The following IQCM variants were observed in gnomAD, a reference collection of about 807,000 sequenced individuals.
The protein encoded by IQCM is IQ domain-containing protein M.
IQCM carries 45 observed loss-of-function variants against 57.6 expected under a neutral mutation model. The observed-to-expected ratio is 0.78, with a 90% CI of 0.62 to 1.00. The LOEUF (loss-of-function observed/expected upper bound fraction) is 1.00. Among genes scored for constraint, IQCM ranks in the 50% least tolerant of loss-of-function variants. The probability of loss-of-function intolerance (pLI) is 0.00; values close to 1 mark genes in which losing one functional copy is unlikely to be tolerated. For synonymous variants in IQCM, 148 were observed against 158.9 expected (o/e 0.93, Z 0.51); for missense variants, 468 against 511.6 (o/e 0.91, Z 0.82).
At chr4:149,474,770 C>T (rs1739999076) in intron 12 of IQCM, among the ~76,000 whole-genome samples, 1 of 151,614 alleles carries the variant, frequency 6.6e-6, no homozygotes, top group Admixed American at 6.6e-5. Context: ...GTAGACGTAA[C>T]TGAGAAGTAT....
At chr4:149,630,215 C>G (rs1757145006) in intron 7 of IQCM, among the ~76,000 whole-genome samples, 1 of 152,196 alleles carries the variant, frequency 6.6e-6, no homozygotes, top group African/African-American at 2.4e-5. Context: ...TGGATGGCAG[C>G]ATACTTGTCA....
chr4:149,742,678 T>C lies in IQCM; in HGVS notation c.14A>G (p.Glu5Gly). The change falls in exon 3 of 14, where the codon GAG (glutamate) becomes GGG (glycine). Residue 5 changes from glutamate (E) to glycine (G), a missense_variant. Physicochemically the swap from Glu to Gly is moderately conservative, Grantham distance 98 (BLOSUM62 -2). Coordinates refer to ENST00000636793, the MANE Select transcript of IQCM (RefSeq NM_001363507.2). ...ACATTTTGCTTTTTCAGGCATAGCC[T>C]CTTCAGTAGTCATGAGGGGCAGTTA... Reference protein sequence around the residue: MTTEEAMPEKAKCPT... With the variant: MTTEGAMPEKAKCPT... 2 of 1,231,502 alleles carry C rather than the reference T, an allele frequency of 1.6e-6. No individual in the cohort carries two copies. The highest frequency in any genetic ancestry group is 6.3e-5 in the East Asian group (2 of 31,670). 76.3% of individuals were successfully genotyped at this position (1,231,502 alleles called of 1,614,324 possible). A position where few individuals can be genotyped will look rare whatever the true frequency, so the allele number is the denominator to read the frequency against.
chr4:149,545,857 T>C (rs1160052286), intron 12 of IQCM, among the ~76,000 whole-genome samples: 1 of 152,092 alleles, frequency 6.6e-6, no homozygotes, highest in African/African-American at 2.4e-5. Flanking sequence ...CTAGGGTACA[T>C]GTGCACAACG....
At chr4:149,395,665 T>C (rs1245483635) in intron 13 of IQCM, among the ~76,000 whole-genome samples, 1 of 151,984 alleles carries the variant, frequency 6.6e-6, no homozygotes, top group African/African-American at 2.4e-5. Flanking sequence ...TCTAATGTTA[T>C]TCTAAGTAGC....
At position 149,806,891 on chromosome 4, in the gene IQCM, AC is replaced by A. The variant is rs755026543; in HGVS notation, c.-49+8419del. Reference sequence around the variant, plus strand: ...TTTGACACTGACAGTGATCGATCTTACAAAAAAATCAAGAAAACAATCCCAT... The same window carrying A: ...TTTGACACTGACAGTGATCGATCTTAAAAAAAATCAAGAAAACAATCCCAT... On this transcript the variant is annotated intron_variant, in intron 2 of 13. Transcript: ENST00000636793. 5.7e-4 allele frequency among the ~76,000 whole-genome samples: 87 copies of A among 152,088 alleles called. 1 individual carries two copies. Among genetic ancestry groups the A allele is most frequent in the Middle Eastern group, 3.4e-3 (1 of 294 alleles).
At chr4:149,588,048 C>G (rs1458588621) in intron 8 of IQCM, 51 bp from the exon 9 acceptor site, 1 of 811,914 alleles carries the variant, frequency 1.2e-6, no homozygotes, top group Non-Finnish European at 1.7e-6. Flanking sequence ...AATGTTATCA[C>G]CTATAAAATT....
intron 8 of IQCM, among the ~76,000 whole-genome samples, chr4:149,608,797 T>C (rs1197432872): frequency 6.6e-6 from 1 of 151,348 alleles, no homozygotes; most frequent in African/African-American, 2.4e-5. Context: ...AATGCCTATA[T>C]CAAAAAAGCA....
At chr4:149,359,305 G>T (rs1036016427) in intron 13 of IQCM, among the ~76,000 whole-genome samples, 1 of 151,922 alleles carries the variant, frequency 6.6e-6, no homozygotes. Flanking sequence ...CTATAATACC[G>T]GTATTTTAAA....
intron 12 of IQCM, among the ~76,000 whole-genome samples, chr4:149,474,911 G>C (rs770550166): frequency 1.3e-4 from 20 of 152,082 alleles, no homozygotes; most frequent in Non-Finnish European, 2.6e-4. Flanking sequence ...TAGTGTGCTA[G>C]AAGTAGAGTG....
intron 2 of IQCM, among the ~76,000 whole-genome samples, chr4:149,803,811 A>T (rs1561292196): frequency 6.6e-6 from 1 of 151,930 alleles, no homozygotes; most frequent in Non-Finnish European, 1.5e-5. Context: ...TTTCTTAAAT[A>T]GGGTCTGAGA....
intron 5 of IQCM, among the ~76,000 whole-genome samples, chr4:149,699,180 A>C (rs2149809616): frequency 6.6e-6 from 1 of 152,174 alleles, no homozygotes; most frequent in South Asian, 2.1e-4. Context: ...AACAAAATGC[A>C]AAGTTATATT....
At position 149,744,611 on chromosome 4, in the gene IQCM, A is replaced by AGGAC. The variant is rs1767753229; in HGVS notation, c.-48-1876_-48-1873dup. Among the ~76,000 whole-genome samples, 3 of 152,084 alleles carry AGGAC rather than the reference A, an allele frequency of 2.0e-5. No individual in the cohort carries two copies. In the South Asian group the frequency reaches 6.2e-4, roughly 32 times the overall value. On this transcript the variant is annotated intron_variant, in intron 2 of 13. Transcript: ENST00000636793. The stretch of plus-strand genomic sequence containing the variant: ...CCCTGCAAACTTGAGGTGATGAGGG[A>AGGAC]GGACTCTGAGACAGGAGCTGGGGGT...
At chr4:149,449,141 T>A (rs4599393) in intron 12 of IQCM, among the ~76,000 whole-genome samples, 148,742 of 149,898 alleles carry the variant, frequency 0.99, 73,813 homozygotes, top group East Asian at 1. Context: ...GTAGAGAAAG[T>A]TGGTGCAATA....
chr4:149,398,240 C>T (rs906819455), intron 13 of IQCM, among the ~76,000 whole-genome samples: 6 of 151,850 alleles, frequency 4.0e-5, no homozygotes, highest in East Asian at 1.9e-4. Flanking sequence ...TTTGTTTATA[C>T]GTCTTTGTAA....
chr4:149,612,037 T>C (rs535629550), intron 8 of IQCM, among the ~76,000 whole-genome samples: 9 of 152,028 alleles, frequency 5.9e-5, no homozygotes, highest in Non-Finnish European at 1.3e-4. Flanking sequence ...TCAAGAAATG[T>C]ACAATCATGG....
At chr4:149,686,317 G>A in intron 6 of IQCM, 61 bp downstream of exon 6, 1 of 768,578 alleles carries the variant, frequency 1.3e-6, no homozygotes, top group Non-Finnish European at 1.8e-6. Context: ...AATTGGTCAG[G>A]GAATATTGGC....
At chr4:149,421,729 T>C (rs1579004914) in intron 13 of IQCM, among the ~76,000 whole-genome samples, 1 of 152,004 alleles carries the variant, frequency 6.6e-6, no homozygotes, top group South Asian at 2.1e-4. Flanking sequence ...TCTATATTTA[T>C]ATAAAAATCT....
At chr4:149,804,971 C>T (rs1468745245) in intron 2 of IQCM, among the ~76,000 whole-genome samples, 1 of 152,016 alleles carries the variant, frequency 6.6e-6, no homozygotes, top group Admixed American at 6.6e-5. Context: ...ATATAACTGC[C>T]TCTAATCTTG....
intron 2 of IQCM, among the ~76,000 whole-genome samples, chr4:149,757,991 G>A (rs1038410246): frequency 6.6e-6 from 1 of 152,072 alleles, no homozygotes; most frequent in Admixed American, 6.6e-5. Flanking sequence ...AACAAAGTTG[G>A]AAGACTAGCA....
Sources: gnomAD v4.1 joint callset for allele counts (sites outside exome capture counted in the v4.1 genomes callset) on GRCh38, gnomAD v4.1.1 for gene constraint, MANE v1.5 for transcripts, NCBI Gene and HGNC (gene_info 2026-07-23, HGNC 2026-07-21) for gene names.